PARN: variants seen among roughly 807,000 people sequenced by gnomAD.
PARN encodes the protein poly(A)-specific ribonuclease, also known as poly(A)-specific ribonuclease PARN.
A neutral mutation model predicts 102.8 loss-of-function variants in PARN; 71 were observed. The ratio of observed to expected loss-of-function variants is 0.69; its 90% CI spans 0.57 to 0.84. PARN has a LOEUF of 0.84. PARN is among the 40% of genes least tolerant of loss of function. The probability of loss-of-function intolerance (pLI) is 0.00; values close to 1 mark genes in which losing one functional copy is unlikely to be tolerated. For synonymous variants in PARN, 261 were observed against 252.9 expected (o/e 1.03, Z -0.30); for missense variants, 782 against 760.9 (o/e 1.03, Z -0.33).
intron 21 of PARN, among the ~76,000 whole-genome samples, chr16:14,541,792 T>G (rs72787673): frequency 0.19 from 28,390 of 152,020 alleles, 3,100 homozygotes; most frequent in Middle Eastern, 0.29. Flanking sequence ...CCTGCTGAAA[T>G]TAAAATACAA....
At position 14,503,256 on chromosome 16, in the gene PARN, A is replaced by C. The variant is rs77801557; in HGVS notation, c.1481-20429T>G. On this transcript the variant is annotated intron_variant, in intron 21 of 23. Coordinates refer to ENST00000437198, the MANE Select transcript of PARN (RefSeq NM_002582.4). ...GCAAGGAGGTGAATGTAATGTCCACATGAGGGTAGTTTATACATGTCAATT... is the reference window on the plus strand; with the variant it reads ...GCAAGGAGGTGAATGTAATGTCCACCTGAGGGTAGTTTATACATGTCAATT... Among the ~76,000 whole-genome samples, 356 of 152,290 alleles carry C rather than the reference A, an allele frequency of 2.3e-3. 6 individuals are homozygous for C. In the South Asian group the frequency reaches 0.025, roughly 11 times the overall value.
chr16:14,627,224 T>C lies in PARN; in HGVS notation c.246-37A>G, dbSNP rs749750814. Reference sequence around the variant, plus strand: ...TAAAAGGAGACTTAGGAGGTGACATTGTGCCACAAAAACGGAATTCCCAAC... The same window carrying C: ...TAAAAGGAGACTTAGGAGGTGACATCGTGCCACAAAAACGGAATTCCCAAC... On this transcript the variant is annotated intron_variant, in intron 4 of 23. Transcript: ENST00000437198. 2.5e-6 allele frequency: 4 copies of C among 1,571,818 alleles called. No homozygotes were observed. In the African/African-American group the frequency reaches 4.0e-5, roughly 16 times the overall value.
rs1972800795 is a variant in PARN at position 14,628,236 on chromosome 16, G to A, written c.113C>T (p.Pro38Leu). Residue 38 changes from proline to leucine, a missense_variant, in exon 3 of 24, where the codon CCT becomes CTT. By Grantham distance (98) the Pro-to-Leu change is moderately conservative. Coordinates refer to ENST00000437198, the MANE Select transcript of PARN (RefSeq NM_002582.4). ...ACCATTTGTTAATGCAGAGACTGAAGGTCCATCACTGATTCCTAGATTTTA... is the reference window on the plus strand; with the variant it reads ...ACCATTTGTTAATGCAGAGACTGAAAGTCCATCACTGATTCCTAGATTTTA... ...DGEFSGISDG[P>L]SVSALTNGFD... The A allele has an allele frequency of 1.9e-6, 3 of 1,598,508 alleles. No homozygotes were observed. The highest frequency in any genetic ancestry group is 2.6e-6 in the Non-Finnish European group (3 of 1,167,676).
rs376772075 is a variant in PARN at position 14,436,694 on chromosome 16, G to A, written c.*23C>T. ...TCTTGCTCACAGCGACAGCACCAGC[G>A]GTTTGCTGCCCTCAGGTCTTGGTTA... On this transcript the variant is annotated 3_prime_UTR_variant, in exon 24 of 24. Coordinates refer to ENST00000437198, the MANE Select transcript of PARN (RefSeq NM_002582.4). 163 of 1,573,794 alleles carry A rather than the reference G, an allele frequency of 1.0e-4. 1 individual carries two copies. Among genetic ancestry groups the A allele is most frequent in the Non-Finnish European group, 1.3e-4 (154 of 1,152,710 alleles).
At chr16:14,479,912 C>A (rs1309907897) in intron 22 of PARN, among the ~76,000 whole-genome samples, 11 of 147,838 alleles carry the variant, frequency 7.4e-5, no homozygotes, top group African/African-American at 2.8e-4. Context: ...AAATTACAAA[C>A]CTTCTACCAA....
At chr16:14,564,295 T>C (rs1342804175) in intron 18 of PARN, among the ~76,000 whole-genome samples, 2 of 152,184 alleles carry the variant, frequency 1.3e-5, no homozygotes, top group Non-Finnish European at 2.9e-5. Flanking sequence ...TTTATAATAC[T>C]CAAAGGGCTG....
intron 16 of PARN, among the ~76,000 whole-genome samples, chr16:14,583,342 T>C (rs1969644219): frequency 1.3e-5 from 2 of 152,296 alleles, no homozygotes; most frequent in South Asian, 4.1e-4. Flanking sequence ...TAAATGGAAA[T>C]TAACAATGAA....
At position 14,496,175 on chromosome 16, in the gene PARN, C is replaced by A. The variant is rs115543488; in HGVS notation, c.1481-13348G>T. Among the ~76,000 whole-genome samples the A allele has an allele frequency of 3.2e-3, 482 of 152,340 alleles. 4 individuals are homozygous for A. The highest frequency in any genetic ancestry group is 0.011 in the African/African-American group (463 of 41,588). ...CTGCTGAAGATGGCGATTCTGACAGCAGGGCTGGGGTGTGAAGCCCGAGCT... is the reference window on the plus strand; with the variant it reads ...CTGCTGAAGATGGCGATTCTGACAGAAGGGCTGGGGTGTGAAGCCCGAGCT... On this transcript the variant is annotated intron_variant, in intron 21 of 23. Transcript: ENST00000437198.
At chr16:14,474,039 C>T (rs1962903007) in intron 22 of PARN, among the ~76,000 whole-genome samples, 1 of 152,184 alleles carries the variant, frequency 6.6e-6, no homozygotes. Context: ...GTCACCCAGG[C>T]TGGAGTGCAG....
intron 18 of PARN, among the ~76,000 whole-genome samples, chr16:14,572,538 T>C (rs1319193459): frequency 6.6e-6 from 1 of 152,174 alleles, no homozygotes. Flanking sequence ...GCACCACAGG[T>C]TCCTTCCTCT....
At chr16:14,568,660 A>G (rs2151730397) in intron 18 of PARN, among the ~76,000 whole-genome samples, 1 of 152,210 alleles carries the variant, frequency 6.6e-6, no homozygotes, top group African/African-American at 2.4e-5. Context: ...CTGTAATCCC[A>G]GCACTTTGGG....
At chr16:14,621,273 A>C (rs1268832457) in intron 5 of PARN, among the ~76,000 whole-genome samples, 1 of 152,186 alleles carries the variant, frequency 6.6e-6, no homozygotes, top group Non-Finnish European at 1.5e-5. Context: ...ACTGAAACAC[A>C]AACTGTGGAA....
intron 14 of PARN, among the ~76,000 whole-genome samples, chr16:14,585,869 A>G (rs1203373866): frequency 6.6e-6 from 1 of 152,208 alleles, no homozygotes; most frequent in African/African-American, 2.4e-5. Context: ...TATAAAAGCA[A>G]GCCATCACAA....
intron 18 of PARN, among the ~76,000 whole-genome samples, chr16:14,574,291 A>G (rs765712810): frequency 3.3e-5 from 5 of 152,198 alleles, no homozygotes; most frequent in Non-Finnish European, 7.4e-5. Flanking sequence ...AATTTAGGGT[A>G]TCTGGCAGAA....
chr16:14,559,228 T>G (rs1028991127), intron 18 of PARN, among the ~76,000 whole-genome samples: 6 of 148,540 alleles, frequency 4.0e-5, no homozygotes, highest in South Asian at 2.1e-4. Context: ...GATGTTGTTG[T>G]TTTTTTTTTA....
At chr16:14,545,535 T>A (rs72787677) in intron 21 of PARN, among the ~76,000 whole-genome samples, 2,395 of 152,336 alleles carry the variant, frequency 0.016, 32 homozygotes, top group Non-Finnish European at 0.025. Flanking sequence ...ACTTAGAGGA[T>A]AATTTATAGC....
chr16:14,568,467 G>A (rs1968571991), intron 18 of PARN, among the ~76,000 whole-genome samples: 1 of 151,666 alleles, frequency 6.6e-6, no homozygotes, highest in African/African-American at 2.4e-5. Flanking sequence ...ATAGCTGGGT[G>A]TGGTAGCATG....
At chr16:14,586,819 C>T (rs1025211472) in intron 13 of PARN, among the ~76,000 whole-genome samples, 33 of 152,278 alleles carry the variant, frequency 2.2e-4, no homozygotes, top group African/African-American at 7.7e-4. Flanking sequence ...CTAGCTTAGA[C>T]CTTTCCTGAG....
intron 5 of PARN, among the ~76,000 whole-genome samples, chr16:14,619,558 T>A (rs1402555086): frequency 6.6e-6 from 1 of 151,864 alleles, no homozygotes; most frequent in African/African-American, 2.4e-5. Context: ...GCCCAAGACT[T>A]CGAGACCAGC....
Sources: allele counts gnomAD v4.1 joint callset (sites outside exome capture counted in the v4.1 genomes callset), GRCh38; gene constraint gnomAD v4.1.1; transcripts MANE v1.5; gene names NCBI Gene and HGNC (gene_info 2026-07-23, HGNC 2026-07-21).